The following POLR3H variants were observed in gnomAD, a reference collection of about 807,000 sequenced individuals.
POLR3H encodes the protein RNA polymerase III subunit H.
In POLR3H, 17 loss-of-function variants were observed where a neutral mutation model predicts 25.5. The observed-to-expected ratio is 0.67, with a 90% CI of 0.46 to 1.00. The LOEUF is 1.00. Among genes scored for constraint, POLR3H ranks in the 50% least tolerant of loss-of-function variants. POLR3H has a pLI of 0.00. For synonymous variants in POLR3H, 129 were observed against 103.0 expected (o/e 1.25, Z -1.53); for missense variants, 274 against 265.0 (o/e 1.03, Z -0.24).
In POLR3H at chr22:41,527,673, T is replaced by C. The variant is rs752208552; in HGVS notation, c.*1610A>G. On this transcript the variant is annotated 3_prime_UTR_variant, in exon 6 of 6. Transcript: ENST00000355209. ...CTAGGACATGTGCCAGGGGGTTCTT[T>C]CTGATCATGAATGTGCAGCAGGAAG... is the stretch of plus-strand genomic sequence containing the variant. 1.9e-5 allele frequency: 15 copies of C among 797,172 alleles called. No homozygotes were observed. Among genetic ancestry groups the C allele is most frequent in the Middle Eastern group, 6.4e-4 (2 of 3,120 alleles). The allele number at this position is 797,172 out of a possible 1,614,324, so 49.4% of individuals were successfully genotyped here.
chr22:41,540,189 C>T (rs1473179562), intron 2 of POLR3H: 1 of 250,810 alleles, frequency 4.0e-6, no homozygotes, highest in Admixed American at 5.2e-5. Flanking sequence ...CCCAGCCAGC[C>T]TGCTGATCCC....
Position 41,527,161 on chromosome 22 carries a change from T to A in POLR3H, c.*2122A>T, listed in dbSNP as rs1043116501. The stretch of plus-strand genomic sequence containing the variant: ...TAGGCAGCAGGCGAGGAAGGGCCCC[T>A]CCAGCCCCTTTACCGGGAGCCTCAG... On this transcript the variant is annotated 3_prime_UTR_variant, in exon 6 of 6. Transcript: ENST00000355209. 2.1e-6 allele frequency: 3 copies of A among 1,432,638 alleles called. No homozygotes were observed. Among genetic ancestry groups the A allele is most frequent in the Non-Finnish European group, 2.9e-6 (3 of 1,038,142 alleles). The allele number at this position is 1,432,638 out of a possible 1,614,324, so 88.7% of individuals were successfully genotyped here. A position where few individuals can be genotyped will look rare whatever the true frequency, so the allele number is the denominator to read the frequency against.
intron 1 of POLR3H, among the ~76,000 whole-genome samples, chr22:41,541,417 T>C (rs149379826): frequency 1.3e-5 from 2 of 152,224 alleles, no homozygotes; most frequent in Non-Finnish European, 2.9e-5. Flanking sequence ...TGTGCAGAAA[T>C]CCCATGCCCT....
At position 41,544,361 on chromosome 22, in the gene POLR3H, C is replaced by T. The variant is rs2066985613; in HGVS notation, c.-260G>A. 2.9e-6 allele frequency: 1 copy of T among 349,850 alleles called. No homozygotes were observed. Among genetic ancestry groups the T allele is most frequent in the Non-Finnish European group, 5.2e-6 (1 of 193,922 alleles). The allele number at this position is 349,850 out of a possible 1,614,324, so 21.7% of individuals were successfully genotyped here. A position where few individuals can be genotyped will look rare whatever the true frequency, so the allele number is the denominator to read the frequency against. Reference sequence around the variant, plus strand: ...CGCGCCGCGAGACCCCGCCACGCCACGCCACTCCACGCCACGCCACTCCAC... The same window carrying T: ...CGCGCCGCGAGACCCCGCCACGCCATGCCACTCCACGCCACGCCACTCCAC... On this transcript the variant is annotated 5_prime_UTR_variant, in exon 1 of 6. The change creates a new upstream start codon in the 5' untranslated region. Transcript: ENST00000355209.
rs764417972 is a variant in POLR3H, at chr22:41,526,402, T to C, written c.*2881A>G. The C allele has an allele frequency of 6.2e-7, 1 of 1,613,812 alleles. No individual in the cohort carries two copies. The highest frequency in any genetic ancestry group is 8.5e-7 in the Non-Finnish European group (1 of 1,180,018). The stretch of plus-strand genomic sequence containing the variant: ...ACGGCAAGGCCAACTCCGTGCGCAA[T>C]GCCGTCACTCAGGAGTTTGGCCCCG... On this transcript the variant is annotated 3_prime_UTR_variant, in exon 6 of 6. Coordinates refer to ENST00000355209, the MANE Select transcript of POLR3H (RefSeq NM_001018050.4).
At chr22:41,530,552 C>T in intron 5 of POLR3H, 135 bp downstream of exon 5, 2 of 795,564 alleles carry the variant, frequency 2.5e-6, no homozygotes, top group Non-Finnish European at 3.9e-6. Flanking sequence ...GAGAAGTGAC[C>T]AGCCAAGACC....
rs576432041 is a variant in POLR3H at position 41,536,866 on chromosome 22, C to CAA, written c.208+3831_208+3832dup. Among the ~76,000 whole-genome samples, 173 of 55,396 alleles carry CAA rather than the reference C, an allele frequency of 3.1e-3. 4 individuals are homozygous for CAA. The highest frequency in any genetic ancestry group is 4.5e-3 in the African/African-American group (61 of 13,464). The allele number at this position is 55,396 out of a possible 152,430, so 36.3% of individuals were successfully genotyped here. A position where few individuals can be genotyped will look rare whatever the true frequency, so the allele number is the denominator to read the frequency against. On this transcript the variant is annotated intron_variant, in intron 2 of 5. Coordinates refer to ENST00000355209, the MANE Select transcript of POLR3H (RefSeq NM_001018050.4). ...CTGGGTGACAGAGAAGACTCTGTCTCAAAAAAAAAAAAAAAAAAAGGCTTT... is the reference window on the plus strand; with the variant it reads ...CTGGGTGACAGAGAAGACTCTGTCTCAAAAAAAAAAAAAAAAAAAAAGGCTTT...
intron 2 of POLR3H, among the ~76,000 whole-genome samples, chr22:41,536,429 G>C (rs2066847074): frequency 6.6e-6 from 1 of 151,948 alleles, no homozygotes; most frequent in Non-Finnish European, 1.5e-5. Context: ...GGATGGCGGT[G>C]AAGGTTGCAT....
chr22:41,529,687 ACT>A (rs1387183100), intron 5 of POLR3H: 4 of 595,878 alleles, frequency 6.7e-6, no homozygotes, highest in Admixed American at 3.8e-5. Flanking sequence ...CTTGAAAGCC[ACT>A]CTTCCCCGGA....
intron 1 of POLR3H, 62 bp from the exon 2 acceptor site, chr22:41,540,857 C>G (rs1414580990): frequency 1.0e-5 from 13 of 1,287,028 alleles, no homozygotes; most frequent in Non-Finnish European, 1.1e-5. Flanking sequence ...ACAGGCCCAG[C>G]TCCCAGGCAA....
chr22:41,533,354 G>A (rs999930469), intron 2 of POLR3H, among the ~76,000 whole-genome samples: 3 of 152,128 alleles, frequency 2.0e-5, no homozygotes, highest in South Asian at 2.1e-4. Flanking sequence ...GCCCTTGCTC[G>A]AAGCCCCAAA....
At position 41,526,348 on chromosome 22, in the gene POLR3H, C is replaced by T. The variant is rs779509994; in HGVS notation, c.*2935G>A. The T allele has an allele frequency of 9.9e-6, 16 of 1,613,402 alleles. No homozygotes were observed. The South Asian group carries it at 1.3e-4, about 13-fold the overall frequency. ...GGCACTTGGATAACATCTCCAACAA[C>T]CTGCTCATTGGTGCCATCAACATTG... is the stretch of plus-strand genomic sequence containing the variant. On this transcript the variant is annotated 3_prime_UTR_variant, in exon 6 of 6. Coordinates refer to ENST00000355209, the MANE Select transcript of POLR3H (RefSeq NM_001018050.4).
intron 1 of POLR3H, among the ~76,000 whole-genome samples, chr22:41,542,822 G>A (rs5758386): frequency 0.18 from 27,150 of 152,000 alleles, 6,250 homozygotes; most frequent in African/African-American, 0.51. Context: ...GGCCAACATG[G>A]TGAAACCCCG....
intron 4 of POLR3H, 108 bp from the exon 5 acceptor site, chr22:41,530,996 G>T: frequency 1.9e-6 from 2 of 1,080,892 alleles, no homozygotes; most frequent in South Asian, 1.4e-5. Flanking sequence ...AGATCACTGT[G>T]GCTGGGAAGT....
chr22:41,527,066 C>G lies in POLR3H; in HGVS notation c.*2217G>C. On this transcript the variant is annotated 3_prime_UTR_variant, in exon 6 of 6. Transcript: ENST00000355209. ...GTGGCTTCTGTCTTCTTTGCCACTG[C>G]AAACAACCACGTGCCTCTGTCCCCT... The G allele has an allele frequency of 1.6e-6, 1 of 635,542 alleles. No individual in the cohort carries two copies. Among genetic ancestry groups the G allele is most frequent in the East Asian group, 2.8e-5 (1 of 35,468 alleles). The allele number at this position is 635,542 out of a possible 1,614,324, so 39.4% of individuals were successfully genotyped here.
chr22:41,544,230 A>T lies in POLR3H; in HGVS notation c.-129T>A, dbSNP rs1282356741. Reference sequence around the variant, plus strand: ...GCCCCCAGGCTGGCGGTGAGGTTGCACGGGGCGGTCTCGGGGGCCCGGTCC... The same window carrying T: ...GCCCCCAGGCTGGCGGTGAGGTTGCTCGGGGCGGTCTCGGGGGCCCGGTCC... On this transcript the variant is annotated 5_prime_UTR_variant, in exon 1 of 6. Coordinates refer to ENST00000355209, the MANE Select transcript of POLR3H (RefSeq NM_001018050.4). 1.6e-6 allele frequency: 1 copy of T among 611,402 alleles called. No individual in the cohort carries two copies. The highest frequency in any genetic ancestry group is 2.9e-6 in the Non-Finnish European group (1 of 342,772). The allele number at this position is 611,402 out of a possible 1,614,324, so 37.9% of individuals were successfully genotyped here.
chr22:41,528,647 A>G lies in POLR3H; in HGVS notation c.*636T>C. ...CCTCCCCGCCCCGCCGCTGGCGTCA[A>G]GTTCAGCTCCACGTGTGCCATCAGT... On this transcript the variant is annotated 3_prime_UTR_variant, in exon 6 of 6. Coordinates refer to ENST00000355209, the MANE Select transcript of POLR3H (RefSeq NM_001018050.4). 1.9e-6 allele frequency: 3 copies of G among 1,606,962 alleles called. No individual in the cohort carries two copies. The highest frequency in any genetic ancestry group is 2.5e-6 in the Non-Finnish European group (3 of 1,178,298).
At chr22:41,536,496 T>C (rs1027600223) in intron 2 of POLR3H, among the ~76,000 whole-genome samples, 14 of 151,418 alleles carry the variant, frequency 9.2e-5, no homozygotes, top group African/African-American at 3.4e-4. Flanking sequence ...TTTAAATTGG[T>C]AAATTTCATG....
rs1298330806 is a variant in POLR3H, at chr22:41,533,704, G to A, written c.209-959C>T. 6.1e-6 allele frequency: 8 copies of A among 1,303,950 alleles called. 1 individual carries two copies. In the East Asian group the frequency reaches 1.7e-4, roughly 27 times the overall value. The allele number at this position is 1,303,950 out of a possible 1,614,324, so 80.8% of individuals were successfully genotyped here. On this transcript the variant is annotated intron_variant, in intron 2 of 5. Coordinates refer to ENST00000355209, the MANE Select transcript of POLR3H (RefSeq NM_001018050.4). Reference sequence around the variant, plus strand: ...CCTCTCACCCTGGGAAGACACAAACGTGAGCCATCACAGCCACCATGAAGA... The same window carrying A: ...CCTCTCACCCTGGGAAGACACAAACATGAGCCATCACAGCCACCATGAAGA...
Sources: gnomAD v4.1 joint callset for allele counts (sites outside exome capture counted in the v4.1 genomes callset) on GRCh38, gnomAD v4.1.1 for gene constraint, MANE v1.5 for transcripts, NCBI Gene and HGNC (gene_info 2026-07-23, HGNC 2026-07-21) for gene names.